PALS2: variants seen among roughly 807,000 people sequenced by gnomAD.
The protein encoded by PALS2 is protein PALS2.
Under a neutral mutation model 61.6 loss-of-function variants are expected in PALS2, and 27 were observed. The observed-to-expected ratio is 0.44, with a 90% CI of 0.32 to 0.60. The LOEUF is 0.60. Ranked by LOEUF, PALS2 falls within the 20% of genes least tolerant of loss-of-function variation. The pLI, the probability that PALS2 is intolerant of heterozygous loss-of-function variation, is 0.05. For synonymous variants in PALS2, 236 were observed against 218.6 expected, an observed-to-expected ratio of 1.08 and a Z score of -0.70; for missense variants, 554 against 639.4, an observed-to-expected ratio of 0.87 and a Z score of 1.44.
At chr7:24,630,646 A>G (rs1784958889) in intron 2 of PALS2, among the ~76,000 whole-genome samples, 1 of 152,206 alleles carries the variant, frequency 6.6e-6, no homozygotes, top group Non-Finnish European at 1.5e-5. Flanking sequence ...AGAGAAGTCA[A>G]TACCTGCCTT....
At chr7:24,664,313 A>G (rs1583974589) in intron 6 of PALS2, among the ~76,000 whole-genome samples, 1 of 152,072 alleles carries the variant, frequency 6.6e-6, no homozygotes, top group East Asian at 1.9e-4. Flanking sequence ...GATCTGTTTA[A>G]TGGTATTCTT....
At chr7:24,677,436 C>A (rs1300113727) in intron 9 of PALS2, among the ~76,000 whole-genome samples, 1 of 151,886 alleles carries the variant, frequency 6.6e-6, no homozygotes, top group Admixed American at 6.6e-5. Flanking sequence ...GAGAGGGCAT[C>A]CCTGTCTTGT....
intron 8 of PALS2, chr7:24,666,788 G>T (rs897612685): frequency 1.3e-5 from 2 of 152,066 alleles, no homozygotes; most frequent in African/African-American, 4.8e-5. Context: ...ACCTGGATTG[G>T]CTACTCATTG....
Position 24,573,644 on chromosome 7 carries a change from C to T in PALS2, c.-3+51C>T, listed in dbSNP as rs1003470865. The T allele has an allele frequency of 4.7e-5, 13 of 278,592 alleles. No individual in the cohort carries two copies. Among genetic ancestry groups the T allele is most frequent in the African/African-American group, 1.8e-4 (8 of 43,838 alleles). 17.3% of individuals were successfully genotyped at this position (278,592 alleles called of 1,614,324 possible). A position where few individuals can be genotyped will look rare whatever the true frequency, so the allele number is the denominator to read the frequency against. On this transcript the variant is annotated intron_variant, in intron 1 of 11. Coordinates refer to ENST00000222644, the MANE Select transcript of PALS2 (RefSeq NM_001303037.2). The surrounding 1 kb of genome is among the most constrained non-coding windows in gnomAD (Gnocchi z 5.3). ...CTCGGGTAACGGTCGCGCCGCGCGC[C>T]GGGCCGGCCGGGGGCGCCCTGTTGC...
At chr7:24,593,207 C>G (rs1159899755) in intron 1 of PALS2, among the ~76,000 whole-genome samples, 1 of 152,084 alleles carries the variant, frequency 6.6e-6, no homozygotes, top group Non-Finnish European at 1.5e-5. Flanking sequence ...AAAACCAACT[C>G]CTCTTCTGTT....
chr7:24,693,474 T>C lies in PALS2; in HGVS notation c.*5860T>C, dbSNP rs1174486871. The stretch of plus-strand genomic sequence containing the variant: ...ATTACCAACATTAAACCAGAAGTCA[T>C]TACCAGTTAAAATGTGTGGTTTTCA... On this transcript the variant is annotated 3_prime_UTR_variant, in exon 12 of 12. Transcript: ENST00000222644. 1 of 151,986 alleles carries C rather than the reference T, an allele frequency of 6.6e-6. No homozygotes were observed. The highest frequency in any genetic ancestry group is 1.5e-5 in the Non-Finnish European group (1 of 67,884). 9.4% of individuals were successfully genotyped at this position (151,986 alleles called of 1,614,324 possible).
chr7:24,684,962 T>G (rs1788118371), intron 11 of PALS2, among the ~76,000 whole-genome samples: 1 of 152,198 alleles, frequency 6.6e-6, no homozygotes, highest in African/African-American at 2.4e-5. Context: ...CTTCAACTTT[T>G]GTTTTAAGTT....
intron 2 of PALS2, among the ~76,000 whole-genome samples, chr7:24,640,992 T>A (rs901350081): frequency 7.5e-4 from 83 of 111,168 alleles, no homozygotes; most frequent in Admixed American, 3.4e-3. Context: ...TGGGCAACAG[T>A]GCGAGACTCC....
In PALS2 at chr7:24,652,762, T is replaced by C. The variant is rs62449812; in HGVS notation, c.651+2050T>C. On this transcript the variant is annotated intron_variant, in intron 5 of 11. Coordinates refer to ENST00000222644, the MANE Select transcript of PALS2 (RefSeq NM_001303037.2). ...CCACCATGTAGTGCTGTGGAGCTAG[T>C]CTCAGCTCTGGATTGCTGCAAGAGC... Among the ~76,000 whole-genome samples, 864 of 152,266 alleles carry C rather than the reference T, an allele frequency of 5.7e-3. 7 individuals are homozygous for C. Among genetic ancestry groups the C allele is most frequent in the Non-Finnish European group, 9.4e-3 (637 of 68,008 alleles).
At chr7:24,582,294 A>G (rs1360141278) in intron 1 of PALS2, among the ~76,000 whole-genome samples, 1 of 152,210 alleles carries the variant, frequency 6.6e-6, no homozygotes, top group East Asian at 1.9e-4. Flanking sequence ...ATGAAATCCT[A>G]TTTTGTAATA....
At chr7:24,647,741 G>A (rs1227764428) in intron 3 of PALS2, among the ~76,000 whole-genome samples, 1 of 152,168 alleles carries the variant, frequency 6.6e-6, no homozygotes, top group Admixed American at 6.5e-5. Context: ...GCAGTTTCAA[G>A]TGGTAACAAA....
chr7:24,590,901 T>A (rs963671732), intron 1 of PALS2, among the ~76,000 whole-genome samples: 1 of 151,756 alleles, frequency 6.6e-6, no homozygotes, highest in Non-Finnish European at 1.5e-5. Flanking sequence ...TTTTTAGATG[T>A]TTTGTGAGAG....
intron 1 of PALS2, among the ~76,000 whole-genome samples, chr7:24,609,258 C>T (rs1420618352): frequency 6.6e-5 from 10 of 152,108 alleles, no homozygotes; most frequent in Admixed American, 6.6e-4. Context: ...TGCTCCTCCC[C>T]TCCTCCCACC....
intron 11 of PALS2, among the ~76,000 whole-genome samples, chr7:24,682,494 G>T (rs563750663): frequency 5.4e-4 from 82 of 152,232 alleles, no homozygotes; most frequent in Middle Eastern, 3.4e-3. Flanking sequence ...GCTCCTTTGG[G>T]CTCACTCTCC....
rs527349340 is a variant in PALS2, at chr7:24,635,474, A to G, written c.118-6242A>G. ...TAGTGAACTCCTTAGGATTTTCTAA[A>G]TACAAGGTCATGTCATCTGAATATA... is the stretch of plus-strand genomic sequence containing the variant. On this transcript the variant is annotated intron_variant, in intron 2 of 11. Coordinates refer to ENST00000222644, the MANE Select transcript of PALS2 (RefSeq NM_001303037.2). Among the ~76,000 whole-genome samples, 7 of 152,280 alleles carry G rather than the reference A, an allele frequency of 4.6e-5. No individual in the cohort carries two copies. The South Asian group carries it at 1.0e-3, about 23-fold the overall frequency.
intron 1 of PALS2, among the ~76,000 whole-genome samples, chr7:24,576,481 GT>G (rs1782646993): frequency 1.3e-5 from 2 of 152,298 alleles, no homozygotes; most frequent in South Asian, 4.1e-4. Flanking sequence ...CAATCAAGGT[GT>G]TTAATGACTT....
At chr7:24,578,074 C>T (rs528299338) in intron 1 of PALS2, among the ~76,000 whole-genome samples, 19 of 151,832 alleles carry the variant, frequency 1.3e-4, no homozygotes, top group African/African-American at 3.4e-4. Flanking sequence ...CTCCTGGTAG[C>T]TAGGACTATA....
chr7:24,599,283 T>G (rs1583853583), intron 1 of PALS2, among the ~76,000 whole-genome samples: 1 of 152,068 alleles, frequency 6.6e-6, no homozygotes, highest in Non-Finnish European at 1.5e-5. Context: ...TCTGGGTGAG[T>G]GAGTGGTGAG....
At chr7:24,612,169 T>C (rs1784138748) in intron 1 of PALS2, among the ~76,000 whole-genome samples, 2 of 151,992 alleles carry the variant, frequency 1.3e-5, no homozygotes, top group Non-Finnish European at 2.9e-5. Flanking sequence ...GCTGCTGTTT[T>C]AATAGAGATT....
Sources: gnomAD v4.1 joint callset for allele counts (sites outside exome capture counted in the v4.1 genomes callset) on GRCh38, gnomAD v4.1.1 for gene constraint, Gnocchi (gnomAD v3.1) non-coding constraint, MANE v1.5 for transcripts, NCBI Gene and HGNC (gene_info 2026-07-23, HGNC 2026-07-21) for gene names.